The following ITGB5 variants were observed in gnomAD, a reference collection of about 807,000 sequenced individuals.
ITGB5 encodes the protein integrin beta-5.
ITGB5 carries 38 observed loss-of-function variants against 84.8 expected under a neutral mutation model. That is an observed-to-expected ratio of 0.45 (90% CI 0.35 to 0.59). The LOEUF (loss-of-function observed/expected upper bound fraction) is 0.59, where lower values mean the gene tolerates loss of function less well. Among genes scored for constraint, ITGB5 ranks in the 20% least tolerant of loss-of-function variants. ITGB5 has a pLI of 0.01. For synonymous variants in ITGB5, 393 were observed against 414.4 expected (o/e 0.95, Z 0.63); for missense variants, 905 against 1,034.5 (o/e 0.87, Z 1.72).
intron 9 of ITGB5, among the ~76,000 whole-genome samples, chr3:124,799,327 AC>A (rs2064281133): frequency 1.3e-5 from 2 of 152,186 alleles, no homozygotes; most frequent in Non-Finnish European, 2.9e-5. Context: ...AGGTGGGCAG[AC>A]TGGGAGGATC....
intron 1 of ITGB5, among the ~76,000 whole-genome samples, chr3:124,875,081 C>T (rs1453626855): frequency 6.6e-6 from 1 of 152,088 alleles, no homozygotes; most frequent in Admixed American, 6.5e-5. Context: ...CTACTATATG[C>T]GAGAGAATAT....
At chr3:124,805,801 T>G (rs2064393160) in intron 9 of ITGB5, among the ~76,000 whole-genome samples, 1 of 152,154 alleles carries the variant, frequency 6.6e-6, no homozygotes, top group East Asian at 1.9e-4. Context: ...TTTGAGCCAT[T>G]ATAGTCTGCC....
At chr3:124,824,978 C>T (rs2064763226) in intron 5 of ITGB5, among the ~76,000 whole-genome samples, 1 of 152,106 alleles carries the variant, frequency 6.6e-6, no homozygotes, top group South Asian at 2.1e-4. Context: ...GTGGGTGGAT[C>T]ACGAGGTCAG....
chr3:124,832,587 G>C (rs963624120), intron 5 of ITGB5, among the ~76,000 whole-genome samples: 1 of 152,186 alleles, frequency 6.6e-6, no homozygotes, highest in Non-Finnish European at 1.5e-5. Context: ...TACTCTAACT[G>C]AACCACGGGT....
intron 2 of ITGB5, among the ~76,000 whole-genome samples, chr3:124,870,990 A>T (rs1215580685): frequency 6.6e-6 from 1 of 152,008 alleles, no homozygotes; most frequent in Non-Finnish European, 1.5e-5. Flanking sequence ...CCCGGGCTCA[A>T]GTGATCCTCC....
At chr3:124,857,475 G>A (rs1439803207) in intron 3 of ITGB5, among the ~76,000 whole-genome samples, 1 of 152,160 alleles carries the variant, frequency 6.6e-6, no homozygotes, top group Non-Finnish European at 1.5e-5. Flanking sequence ...CAGAGCCAGA[G>A]CTAGAACCCA....
upstream of ITGB5, chr3:124,887,721 G>T (rs1934896493): frequency 2.2e-6 from 1 of 452,694 alleles, no homozygotes; most frequent in Admixed American, 2.4e-5. Flanking sequence ...TGGGCCAAAG[G>T]CGGTTGCTAG....
At chr3:124,891,982 A>C (rs1353710848), upstream of ITGB5, among the ~76,000 whole-genome samples, 1 of 152,066 alleles carries the variant, frequency 6.6e-6, no homozygotes, top group Non-Finnish European at 1.5e-5. Context: ...TGAGGAAGAG[A>C]GGGAAAGAAA....
chr3:124,871,385 G>T (rs1934039969), intron 2 of ITGB5, among the ~76,000 whole-genome samples: 1 of 152,034 alleles, frequency 6.6e-6, no homozygotes. Context: ...TAATACAGAT[G>T]GGGTTTCACC....
chr3:124,814,777 C>T (rs906154609), intron 8 of ITGB5, among the ~76,000 whole-genome samples: 2 of 152,154 alleles, frequency 1.3e-5, no homozygotes, highest in Admixed American at 1.3e-4. Flanking sequence ...TGCTGAGTTT[C>T]AAAGTTCATT....
At chr3:124,805,188 G>GTCTCACT (rs1213289562) in intron 9 of ITGB5, among the ~76,000 whole-genome samples, 2 of 149,644 alleles carry the variant, frequency 1.3e-5, no homozygotes, top group East Asian at 2.0e-4. Flanking sequence ...TGTCACCCAG[G>GTCTCACT]CTGGAGTGCA....
intron 3 of ITGB5, chr3:124,857,243 C>T (rs1318204536): frequency 6.6e-6 from 1 of 152,250 alleles, no homozygotes; most frequent in African/African-American, 2.4e-5. Flanking sequence ...ACATGCAGCA[C>T]TGTGTTAATC....
At chr3:124,868,362 C>T (rs1172970575) in intron 2 of ITGB5, among the ~76,000 whole-genome samples, 1 of 152,070 alleles carries the variant, frequency 6.6e-6, no homozygotes, top group East Asian at 1.9e-4. Context: ...GCAGGGGCAG[C>T]ATGGACAGGC....
chr3:124,842,868 C>A (rs371433946), intron 4 of ITGB5, among the ~76,000 whole-genome samples: 1 of 152,320 alleles, frequency 6.6e-6, no homozygotes, highest in Admixed American at 6.5e-5. Flanking sequence ...AGGGGCTATT[C>A]CATTCCCTCT....
At chr3:124,858,189 T>C (rs1579303641) in intron 3 of ITGB5, among the ~76,000 whole-genome samples, 1 of 150,254 alleles carries the variant, frequency 6.7e-6, no homozygotes. Flanking sequence ...GTTTAGCACA[T>C]AGTAGGTGTG....
At chr3:124,888,539 C>A (rs1023218521), upstream of ITGB5, among the ~76,000 whole-genome samples, 1 of 152,170 alleles carries the variant, frequency 6.6e-6, no homozygotes, top group Non-Finnish European at 1.5e-5. Flanking sequence ...GATAGAATAC[C>A]TACCAAGTAC....
rs185997228 is a variant in ITGB5 at position 124,844,981 on chromosome 3, T to C, written c.611+3328A>G. Among the ~76,000 whole-genome samples the C allele has an allele frequency of 3.2e-4, 48 of 152,350 alleles. 1 individual carries two copies. The highest frequency in any genetic ancestry group is 3.4e-3 in the Middle Eastern group (1 of 294). On this transcript the variant is annotated intron_variant, in intron 4 of 14. Transcript: ENST00000296181. ...GACAACGGCAAACATAAAACTGCTC[T>C]GCAGGGATGCCCCCACAACCTCCAA...
At chr3:124,833,973 C>T (rs2064893109) in intron 5 of ITGB5, among the ~76,000 whole-genome samples, 1 of 152,128 alleles carries the variant, frequency 6.6e-6, no homozygotes, top group Admixed American at 6.5e-5. Flanking sequence ...GGGAAGTCCA[C>T]CAGGGAGGGC....
rs575713384 is a variant in ITGB5 at position 124,848,059 on chromosome 3, T to C, written c.611+250A>G. On this transcript the variant is annotated intron_variant, in intron 4 of 14. Transcript: ENST00000296181. ...GAATTCTATTAATGTGAGCAAATGG[T>C]GCTGTGCATGGCAGGCAGGAAAATC... Among the ~76,000 whole-genome samples, 12 of 152,300 alleles carry C rather than the reference T, an allele frequency of 7.9e-5. No homozygotes were observed. The East Asian group carries it at 1.7e-3, about 22-fold the overall frequency.
Sources: gnomAD v4.1 joint callset for allele counts (sites outside exome capture counted in the v4.1 genomes callset) on GRCh38, gnomAD v4.1.1 for gene constraint, MANE v1.5 for transcripts, NCBI Gene and HGNC (gene_info 2026-07-23, HGNC 2026-07-21) for gene names.